The following DLEC1 variants were observed in gnomAD, a reference collection of about 807,000 sequenced individuals.
DLEC1 encodes the protein deleted in lung and esophageal cancer protein 1.
A neutral mutation model predicts 198.1 loss-of-function variants in DLEC1; 146 were observed. The ratio of observed to expected loss-of-function variants is 0.74; its 90% confidence interval spans 0.64 to 0.85. DLEC1 has a LOEUF of 0.85. Ranked by LOEUF, DLEC1 falls within the 40% of genes least tolerant of loss-of-function variation. The pLI, the probability that DLEC1 is intolerant of heterozygous loss-of-function variation, is 0.00. For missense variants in DLEC1, 2,233 were observed against 2,220.0 expected, an observed-to-expected ratio of 1.01 and a Z score of -0.12; for synonymous variants, 897 against 866.8, an observed-to-expected ratio of 1.03 and a Z score of -0.61.
intron 15 of DLEC1, 126 bp from the exon 16 acceptor site, chr3:38,097,056 G>A: frequency 1.0e-6 from 1 of 976,436 alleles, no homozygotes; most frequent in Non-Finnish European, 1.5e-6. Flanking sequence ...GCTTTGGGTG[G>A]CCAGGAATTA....
In DLEC1 at chr3:38,039,523, T is replaced by C; in HGVS notation, c.298T>C (p.Phe100Leu). Reference sequence around the variant, plus strand: ...TATCTCGCACTTGCTCACCGGCGTCTTCCGCAACTTGTACTCAGCCGAGGT... The same window carrying C: ...TATCTCGCACTTGCTCACCGGCGTCCTCCGCAACTTGTACTCAGCCGAGGT... Reference protein sequence around the residue: ...QDISHLLTGVFRNLYSAEVIG... With the variant: ...QDISHLLTGVLRNLYSAEVIG... The change falls in exon 1 of 37, where the codon TTC becomes CTC. Residue 100 changes from phenylalanine to leucine, a missense_variant. Physicochemically the swap from Phe to Leu is conservative, Grantham distance 22. Coordinates refer to ENST00000308059, the MANE Select transcript of DLEC1 (RefSeq NM_007335.4). The C allele has an allele frequency of 6.2e-7, 1 of 1,614,058 alleles. No individual in the cohort carries two copies. Among genetic ancestry groups the C allele is most frequent in the Non-Finnish European group, 8.5e-7 (1 of 1,179,926 alleles).
At position 38,120,478 on chromosome 3, in the gene DLEC1, C is replaced by T; in HGVS notation, c.4735C>T (p.Leu1579=). 6.2e-7 allele frequency: 1 copy of T among 1,614,244 alleles called. No homozygotes were observed. The highest frequency in any genetic ancestry group is 1.7e-5 in the Admixed American group (1 of 60,030). ...CGTGTCCTTCTCACTCTCCCTGGAG[C>T]TGCTCTCCTATCAGAAGCTCCCAGC... The part of the protein sequence containing the change: ...VNVSFSLSLE[L]LSYQKLPADQ... The change falls in exon 34 of 37, where the codon CTG becomes TTG. Residue 1579 remains leucine, a synonymous_variant. Coordinates refer to ENST00000308059, the MANE Select transcript of DLEC1 (RefSeq NM_007335.4).
At chr3:38,082,675 A>G (rs534097291) in intron 6 of DLEC1, among the ~76,000 whole-genome samples, 15 of 152,006 alleles carry the variant, frequency 9.9e-5, no homozygotes, top group Admixed American at 5.2e-4. Flanking sequence ...CCCCCAGAAA[A>G]GCAGAGAAGG....
intron 18 of DLEC1, among the ~76,000 whole-genome samples, chr3:38,099,903 T>C (rs1699218206): frequency 6.6e-6 from 1 of 152,122 alleles, no homozygotes; most frequent in Non-Finnish European, 1.5e-5. Flanking sequence ...TCCCCTAATC[T>C]AGTGACCTGG....
intron 8 of DLEC1, 76 bp downstream of exon 8, chr3:38,085,523 T>A (rs1698407517): frequency 1.3e-6 from 2 of 1,557,264 alleles, no homozygotes. Flanking sequence ...GCCTCTCAGG[T>A]TCCCTTTGTA....
At chr3:38,111,006 A>T (rs1699851235) in intron 23 of DLEC1, among the ~76,000 whole-genome samples, 1 of 152,214 alleles carries the variant, frequency 6.6e-6, no homozygotes. Flanking sequence ...ACATACACAC[A>T]TACACATAGG....
chr3:38,066,254 T>C (rs1438859709), intron 6 of DLEC1, among the ~76,000 whole-genome samples: 1 of 152,216 alleles, frequency 6.6e-6, no homozygotes, highest in East Asian at 1.9e-4. Context: ...ATTGTCCAGA[T>C]CCATTTTTTC....
intron 7 of DLEC1, 57 bp downstream of exon 7, chr3:38,084,302 A>G (rs1388916731): frequency 1.3e-5 from 19 of 1,442,110 alleles, no homozygotes; most frequent in Admixed American, 5.1e-5. Context: ...TGGTGGTATT[A>G]GTAGTAATAG....
intron 21 of DLEC1, among the ~76,000 whole-genome samples, chr3:38,109,093 G>A (rs986721760): frequency 1.3e-5 from 2 of 152,252 alleles, no homozygotes; most frequent in African/African-American, 4.8e-5. Flanking sequence ...GCAGGCCCAG[G>A]TGTGGAACAG....
chr3:38,111,742 A>G lies in DLEC1; in HGVS notation c.3509A>G (p.Gln1170Arg). ...RMQEHLAKRE[Q>R]LDFMESMLSH... ...CAAGAGCACCTGGCCAAGCGAGAGC[A>G]GCTGGGTAAGCGCCACCAGGGTGGG... is the stretch of plus-strand genomic sequence containing the variant. Residue 1170 changes from glutamine (Q) to arginine (R), a missense_variant, in exon 24 of 37, where the codon CAG becomes CGG. Coordinates refer to ENST00000308059, the MANE Select transcript of DLEC1 (RefSeq NM_007335.4). 1 of 1,611,526 alleles carries G rather than the reference A, an allele frequency of 6.2e-7. No individual in the cohort carries two copies.
intron 2 of DLEC1, among the ~76,000 whole-genome samples, chr3:38,046,336 G>A (rs1241247782): frequency 6.6e-6 from 1 of 152,142 alleles, no homozygotes; most frequent in South Asian, 2.1e-4. Context: ...CACGTGTCAT[G>A]GGAGGGACCT....
intron 6 of DLEC1, among the ~76,000 whole-genome samples, chr3:38,080,006 T>C (rs1697878984): frequency 6.6e-6 from 1 of 152,214 alleles, no homozygotes; most frequent in African/African-American, 2.4e-5. Context: ...AAGATAGCCC[T>C]TTGACCTTTT....
intron 25 of DLEC1, 137 bp from the exon 26 acceptor site, chr3:38,114,205 A>G: frequency 1.5e-6 from 1 of 679,232 alleles, no homozygotes; most frequent in Non-Finnish European, 2.6e-6. Flanking sequence ...AGTGGGAGAG[A>G]AGACAGAGTG....
At chr3:38,081,696 G>T (rs1698015251) in intron 6 of DLEC1, among the ~76,000 whole-genome samples, 4 of 75,016 alleles carry the variant, frequency 5.3e-5, no homozygotes, top group Admixed American at 1.2e-4. Context: ...CCCGGACGGG[G>T]TGGCTGGCCG....
At position 38,122,059 on chromosome 3, in the gene DLEC1, C is replaced by T; in HGVS notation, c.5021-12C>T. On this transcript the variant is annotated splice_polypyrimidine_tract_variant and intron_variant, in intron 35 of 36. Coordinates refer to ENST00000308059, the MANE Select transcript of DLEC1 (RefSeq NM_007335.4). ...GCCTGCACTCATGTGTCTTCCCTTC[C>T]CTTTGGTGCAGGCCAGCAGGAGCCA... 1.9e-6 allele frequency: 3 copies of T among 1,613,358 alleles called. No homozygotes were observed. Among genetic ancestry groups the T allele is most frequent in the Non-Finnish European group, 2.5e-6 (3 of 1,179,496 alleles).
At chr3:38,064,837 C>T (rs552342096) in intron 6 of DLEC1, among the ~76,000 whole-genome samples, 97 of 150,768 alleles carry the variant, frequency 6.4e-4, no homozygotes, top group African/African-American at 2.1e-3. Context: ...CAGGAAGAGG[C>T]GCTCCTCACT....
rs1395041762 is a variant in DLEC1 at position 38,075,453 on chromosome 3, T to C, written c.1174-8705T>C. Among the ~76,000 whole-genome samples, 4 of 152,150 alleles carry C rather than the reference T, an allele frequency of 2.6e-5. No homozygotes were observed. The East Asian group carries it at 7.7e-4, about 29-fold the overall frequency. ...TAGGTCAGATGTGAGTTGAAGAGGT[T>C]TTAAGTTCTTGAGAACACAGGCTAA... On this transcript the variant is annotated intron_variant, in intron 6 of 36. Coordinates refer to ENST00000308059, the MANE Select transcript of DLEC1 (RefSeq NM_007335.4).
chr3:38,045,029 G>T (rs1700819550), intron 1 of DLEC1, among the ~76,000 whole-genome samples: 1 of 152,224 alleles, frequency 6.6e-6, no homozygotes, highest in Non-Finnish European at 1.5e-5. Context: ...AGAGAGTATT[G>T]CCTGTCAAAG....
chr3:38,093,748 C>G lies in DLEC1; in HGVS notation c.1900C>G (p.Leu634Val), dbSNP rs767138305. The G allele has an allele frequency of 2.5e-6, 4 of 1,614,224 alleles. No individual in the cohort carries two copies. Among genetic ancestry groups the G allele is most frequent in the Non-Finnish European group, 3.4e-6 (4 of 1,180,040 alleles). Residue 634 changes from leucine (L) to valine (V), a missense_variant, in exon 12 of 37, where the codon CTG (leucine) becomes GTG (valine). Leu to Val is a conservative substitution (Grantham distance 32). Coordinates refer to ENST00000308059, the MANE Select transcript of DLEC1 (RefSeq NM_007335.4). ...CCTTCGGTCCACGGCTAGGAAGCAG[C>G]TGATTATTAGAAATGCTACGTGGGT... ...ENLRSTARKQ[L>V]IIRNATHVEL...
Sources: allele counts gnomAD v4.1 joint callset (sites outside exome capture counted in the v4.1 genomes callset), GRCh38; gene constraint gnomAD v4.1.1; transcripts MANE v1.5; gene names NCBI Gene and HGNC (gene_info 2026-07-23, HGNC 2026-07-21).